Variants in CSMD1 observed in about 807,000 individuals in gnomAD.
CSMD1 encodes the protein CUB and Sushi multiple domains 1.
In CSMD1, 213 loss-of-function variants were observed where a neutral mutation model predicts 417.5. The ratio of observed to expected loss-of-function variants is 0.51; its 90% CI spans 0.46 to 0.57. The LOEUF (loss-of-function observed/expected upper bound fraction) is 0.57. Among genes scored for constraint, CSMD1 ranks in the 20% least tolerant of loss-of-function variants. The pLI is 0.00. For synonymous variants in CSMD1, 2,862 were observed against 1,736.8 expected, an observed-to-expected ratio of 1.65 and a Z score of -16.11; for missense variants, 6,923 against 4,529.7, an observed-to-expected ratio of 1.53 and a Z score of -15.17.
intron 1 of CSMD1, among the ~76,000 whole-genome samples, chr8:4,830,249 C>T (rs1168510415): frequency 2.6e-5 from 4 of 152,158 alleles, no homozygotes; most frequent in Admixed American, 1.3e-4. Context: ...TGCCACAACA[C>T]CCAAATGAAT....
chr8:4,135,694 G>A (rs1017138024), intron 3 of CSMD1, among the ~76,000 whole-genome samples: 13 of 151,984 alleles, frequency 8.6e-5, no homozygotes, highest in Non-Finnish European at 1.3e-4. Flanking sequence ...TATTAGTCAG[G>A]ATATTATTAT....
chr8:3,909,645 G>C (rs1481218290), intron 5 of CSMD1, among the ~76,000 whole-genome samples: 2 of 152,074 alleles, frequency 1.3e-5, no homozygotes, highest in East Asian at 3.9e-4. Flanking sequence ...GCAGGAATGG[G>C]TGAAGAGTCA....
intron 10 of CSMD1, among the ~76,000 whole-genome samples, chr8:3,527,222 C>G (rs13271783): frequency 0.56 from 84,468 of 151,908 alleles, 24,063 homozygotes; most frequent in Non-Finnish European, 0.62. Context: ...CTACTCAGAA[C>G]CAAATGTTAA....
At chr8:4,020,491 G>A (rs1241998095) in intron 4 of CSMD1, among the ~76,000 whole-genome samples, 1 of 152,168 alleles carries the variant, frequency 6.6e-6, no homozygotes, top group South Asian at 2.1e-4. Flanking sequence ...CAGGCTGCCT[G>A]GGTCCAGATC....
At chr8:4,728,884 G>A (rs1563235284) in intron 1 of CSMD1, among the ~76,000 whole-genome samples, 3 of 152,166 alleles carry the variant, frequency 2.0e-5, no homozygotes, top group South Asian at 2.1e-4. Flanking sequence ...GAGAATTATT[G>A]GAGGGAGAAA....
intron 7 of CSMD1, among the ~76,000 whole-genome samples, chr8:3,682,988 C>A (rs1322309391): frequency 6.6e-6 from 1 of 151,960 alleles, no homozygotes; most frequent in Non-Finnish European, 1.5e-5. Context: ...TACGTGGGAA[C>A]TGAACAATGA....
In CSMD1 at chr8:4,588,345, G is replaced by C. The variant is rs377699058; in HGVS notation, c.302+48997C>G. ...ACCACAGTTTCAAATACAGTATAGA[G>C]AGCACACACTGGCTATGCTATCTAG... On this transcript the variant is annotated intron_variant, in intron 2 of 69. Transcript: ENST00000635120. 2.8e-5 allele frequency among the ~76,000 whole-genome samples: 4 copies of C among 144,764 alleles called. No individual in the cohort carries two copies. The East Asian group carries it at 6.1e-4, about 22-fold the overall frequency. 95.0% of individuals were successfully genotyped at this position (144,764 alleles called of 152,430 possible).
intron 25 of CSMD1, among the ~76,000 whole-genome samples, chr8:3,289,692 A>G (rs1329868130): frequency 1.4e-5 from 2 of 146,970 alleles, no homozygotes. Flanking sequence ...TTTCTTGAAA[A>G]TTTGTTGGAG....
rs80032511 is a variant in CSMD1 at position 4,220,881 on chromosome 8, G to C, written c.416-188782C>G. Among the ~76,000 whole-genome samples, 476 of 152,268 alleles carry C rather than the reference G, an allele frequency of 3.1e-3. 3 individuals are homozygous for C. Among genetic ancestry groups the C allele is most frequent in the African/African-American group, 0.011 (449 of 41,566 alleles). On this transcript the variant is annotated intron_variant, in intron 3 of 69. Transcript: ENST00000635120. ...CTTGGGGTAACAAGTAAGAAGATTT[G>C]GGACTGGATGTGGGAGGAATAAGTA... is the stretch of plus-strand genomic sequence containing the variant.
intron 2 of CSMD1, among the ~76,000 whole-genome samples, chr8:4,510,093 T>A (rs1178778131): frequency 6.6e-6 from 1 of 152,010 alleles, no homozygotes; most frequent in East Asian, 1.9e-4. Flanking sequence ...AGTGAATAAG[T>A]CTAAAGAGAT....
chr8:4,668,267 T>G (rs976457861), intron 1 of CSMD1, among the ~76,000 whole-genome samples: 1 of 151,942 alleles, frequency 6.6e-6, no homozygotes, highest in Non-Finnish European at 1.5e-5. Context: ...AACCCAAATC[T>G]CATCCACGTT....
At chr8:3,565,040 T>A (rs1193928666) in intron 10 of CSMD1, among the ~76,000 whole-genome samples, 1 of 141,914 alleles carries the variant, frequency 7.0e-6, no homozygotes, top group East Asian at 2.2e-4. Context: ...TTTACCTGTG[T>A]AACAAACCTG....
At chr8:4,391,447 G>T (rs906036326) in intron 3 of CSMD1, among the ~76,000 whole-genome samples, 1 of 152,066 alleles carries the variant, frequency 6.6e-6, no homozygotes, top group Non-Finnish European at 1.5e-5. Context: ...AACATAAACA[G>T]CTAATTATCA....
At chr8:3,712,963 T>C (rs1041871371) in intron 6 of CSMD1, among the ~76,000 whole-genome samples, 3 of 152,166 alleles carry the variant, frequency 2.0e-5, no homozygotes, top group Admixed American at 6.5e-5. Flanking sequence ...CAATGTATTG[T>C]GTGCTTCAAA....
chr8:4,215,836 G>A (rs1220069513), intron 3 of CSMD1, among the ~76,000 whole-genome samples: 2 of 152,096 alleles, frequency 1.3e-5, no homozygotes, highest in African/African-American at 4.8e-5. Flanking sequence ...ACAGTGCATG[G>A]AAAAGGCAGG....
intron 5 of CSMD1, among the ~76,000 whole-genome samples, chr8:3,991,158 G>T (rs1330306302): frequency 1.3e-5 from 2 of 152,230 alleles, no homozygotes; most frequent in African/African-American, 4.8e-5. Context: ...AGACATTGTG[G>T]AGAGGGTGCC....
chr8:4,200,976 T>G (rs1480640379), intron 3 of CSMD1, among the ~76,000 whole-genome samples: 1 of 152,168 alleles, frequency 6.6e-6, no homozygotes, highest in Non-Finnish European at 1.5e-5. Flanking sequence ...GTCTTATTAG[T>G]TTACTTTTTC....
chr8:4,327,613 GA>G (rs1181614187), intron 3 of CSMD1, among the ~76,000 whole-genome samples: 2 of 152,022 alleles, frequency 1.3e-5, no homozygotes, highest in African/African-American at 4.8e-5. Context: ...TCAGAAAGGG[GA>G]AAAAGCCCCC....
rs146081384 is a variant in CSMD1, at chr8:3,295,410, G to A, written c.3951-11064C>T. ...CAAAGTGCTGGGATTAGAGGTGTGA[G>A]CCACTGAGCCCAGCCTCAATTTGCT... is the stretch of plus-strand genomic sequence containing the variant. On this transcript the variant is annotated intron_variant, in intron 25 of 69. Transcript: ENST00000635120. Among the ~76,000 whole-genome samples, 1,282 of 152,202 alleles carry A rather than the reference G, an allele frequency of 8.4e-3. 19 individuals carry two copies. Among genetic ancestry groups the A allele is most frequent in the African/African-American group, 0.029 (1,224 of 41,516 alleles).
Sources: gnomAD v4.1 joint callset for allele counts (sites outside exome capture counted in the v4.1 genomes callset) on GRCh38, gnomAD v4.1.1 for gene constraint, MANE v1.5 for transcripts, NCBI Gene and HGNC (gene_info 2026-07-23, HGNC 2026-07-21) for gene names.